The following DPP6 variants were observed in gnomAD, a reference collection of about 807,000 sequenced individuals.
The protein encoded by DPP6 is dipeptidyl peptidase like 6.
DPP6 carries 69 observed loss-of-function variants against 122.6 expected under a neutral mutation model. The ratio of observed to expected loss-of-function variants is 0.56; its 90% CI spans 0.46 to 0.69. The LOEUF (loss-of-function observed/expected upper bound fraction) is 0.69, where lower values mean the gene tolerates loss of function less well. Ranked by LOEUF, DPP6 falls within the 30% of genes least tolerant of loss-of-function variation. The probability of loss-of-function intolerance (pLI) is 0.00; values close to 1 mark genes in which losing one functional copy is unlikely to be tolerated. For synonymous variants in DPP6, 418 were observed against 433.1 expected, an observed-to-expected ratio of 0.97 and a Z score of 0.43; for missense variants, 928 against 1,116.9, an observed-to-expected ratio of 0.83 and a Z score of 2.41.
Position 154,110,130 on chromosome 7 carries a change from G to C in DPP6, c.243+57067G>C, listed in dbSNP as rs1412182398. ...TGGTGCTTCCTAACATTTGTCAACT[G>C]TGGCTTTCAGGCTACCAATGGGTGG... On this transcript the variant is annotated intron_variant, in intron 1 of 25. Coordinates refer to ENST00000377770, the MANE Select transcript of DPP6 (RefSeq NM_130797.4). Among the ~76,000 whole-genome samples the C allele has an allele frequency of 3.3e-5, 5 of 151,838 alleles. No individual in the cohort carries two copies. In the East Asian group the frequency reaches 9.7e-4, roughly 29 times the overall value.
intron 1 of DPP6, among the ~76,000 whole-genome samples, chr7:154,252,462 ATTG>A (rs1365883705): frequency 6.6e-6 from 1 of 152,214 alleles, no homozygotes; most frequent in Non-Finnish European, 1.5e-5. Flanking sequence ...CAGATCTATT[ATTG>A]TTTTAAATTC....
intron 4 of DPP6, among the ~76,000 whole-genome samples, chr7:154,561,708 C>G (rs1830437502): frequency 1.3e-5 from 2 of 152,038 alleles, no homozygotes; most frequent in Middle Eastern, 6.8e-3. Flanking sequence ...AAATCAACTA[C>G]ACAGAAAACA....
intron 7 of DPP6, among the ~76,000 whole-genome samples, chr7:154,705,466 C>T (rs1028763293): frequency 2.6e-5 from 4 of 152,192 alleles, no homozygotes; most frequent in Non-Finnish European, 2.9e-5. Flanking sequence ...AGACAAATCA[C>T]CCCTGGGACC....
At chr7:154,016,978 AATC>A (rs1261753118) in intron 1 of DPP6, among the ~76,000 whole-genome samples, 1 of 152,250 alleles carries the variant, frequency 6.6e-6, no homozygotes, top group Non-Finnish European at 1.5e-5. Context: ...GGAGAAAAGG[AATC>A]ATCAAGAGGT....
Position 154,821,271 on chromosome 7 carries a change from C to G in DPP6, c.1666+14159C>G, listed in dbSNP as rs777006907. Among the ~76,000 whole-genome samples the G allele has an allele frequency of 1.3e-5, 2 of 152,038 alleles. No homozygotes were observed. Among genetic ancestry groups the G allele is most frequent in the African/African-American group, 4.8e-5 (2 of 41,362 alleles). ...ACATTTTTAATCTTTTTCCTGATGT[C>G]TTTTCTTTTTTCTTTTTACATTGTT... On this transcript the variant is annotated intron_variant, in intron 16 of 25. Coordinates refer to ENST00000377770, the MANE Select transcript of DPP6 (RefSeq NM_130797.4). The surrounding 1 kb of genome is among the most constrained non-coding windows in gnomAD (Gnocchi z 4.2).
At chr7:154,066,054 T>C (rs1802702880) in intron 1 of DPP6, among the ~76,000 whole-genome samples, 1 of 144,288 alleles carries the variant, frequency 6.9e-6, no homozygotes, top group Admixed American at 7.2e-5. Context: ...TTTTTTTTTT[T>C]TTTTACTTTT....
chr7:154,253,481 A>G (rs1056910390), intron 1 of DPP6, among the ~76,000 whole-genome samples: 9 of 152,250 alleles, frequency 5.9e-5, no homozygotes, highest in African/African-American at 1.7e-4. Context: ...ATGGATTAGT[A>G]TTTTTAAAAG....
chr7:154,005,832 C>T (rs1797891479), intron 1 of DPP6, among the ~76,000 whole-genome samples: 1 of 152,060 alleles, frequency 6.6e-6, no homozygotes, highest in African/African-American at 2.4e-5. Flanking sequence ...CAAGCATGAG[C>T]TTCTAAGCTT....
chr7:153,815,772 A>T, the DPP6 span, among the ~76,000 whole-genome samples: 12 of 152,284 alleles, frequency 7.9e-5, no homozygotes, highest in East Asian at 2.1e-3. Flanking sequence ...TCATCTCTGT[A>T]TTGTGAGTTA....
At chr7:154,854,834 G>T (rs574761843) in intron 17 of DPP6, among the ~76,000 whole-genome samples, 3 of 152,186 alleles carry the variant, frequency 2.0e-5, no homozygotes, top group Non-Finnish European at 4.4e-5. Context: ...AAGAGAACTC[G>T]CCCTCGGTCC....
intron 13 of DPP6, among the ~76,000 whole-genome samples, chr7:154,802,961 T>A (rs887161322): frequency 6.6e-6 from 1 of 152,204 alleles, no homozygotes; most frequent in Admixed American, 6.5e-5. Context: ...GAAGCAGGTC[T>A]CCTGCACTGC....
rs6952710 is a variant in DPP6, at chr7:154,727,896, T to C, written c.883+9T>C. 5.0e-3 allele frequency: 7,830 copies of C among 1,574,684 alleles called. 217 individuals are homozygous for C. In the African/African-American group the frequency reaches 0.07, roughly 14 times the overall value. ...TGACTGGCTGTATGAAGGTAAGATG[T>C]GCACAGAGAGAAAAAAGGAAGATTT... is the stretch of plus-strand genomic sequence containing the variant. On this transcript the variant is annotated intron_variant, in intron 8 of 25. Transcript: ENST00000377770.
chr7:154,472,435 T>G (rs753046472), intron 2 of DPP6, among the ~76,000 whole-genome samples: 1 of 136,870 alleles, frequency 7.3e-6, no homozygotes, highest in Non-Finnish European at 1.6e-5. Flanking sequence ...AGCAGCCTCT[T>G]TCCTTCAGCA....
chr7:154,165,083 G>A (rs1797177472), intron 1 of DPP6, among the ~76,000 whole-genome samples: 1 of 150,304 alleles, frequency 6.7e-6, no homozygotes, highest in African/African-American at 2.5e-5. Flanking sequence ...GTATACATGT[G>A]CCATGCTGGT....
chr7:154,379,588 G>T (rs1813418806), intron 1 of DPP6, among the ~76,000 whole-genome samples: 1 of 152,122 alleles, frequency 6.6e-6, no homozygotes, highest in South Asian at 2.1e-4. Context: ...ACAGAAGAAT[G>T]CTCCCTAATA....
intron 5 of DPP6, among the ~76,000 whole-genome samples, chr7:154,581,101 G>A (rs1832036218): frequency 1.3e-5 from 2 of 152,112 alleles, no homozygotes; most frequent in African/African-American, 2.4e-5. Context: ...GGTTGGCCAG[G>A]GCAGGGGTTA....
intron 1 of DPP6, among the ~76,000 whole-genome samples, chr7:153,889,494 T>C (rs190610896): frequency 1.2e-4 from 18 of 152,316 alleles, no homozygotes; most frequent in Admixed American, 1.1e-3. Context: ...ATTGACTCAT[T>C]ACATCAATCT....
Position 154,892,471 on chromosome 7 carries a change from G to A in DPP6, c.2589G>A (p.Glu863=), listed in dbSNP as rs1228764444. ...LLTVTAKEDE[E]ED Reference sequence around the variant, plus strand: ...CAGTCACAGCGAAAGAGGACGAGGAGGAGGACTAAGCTCAGGTCGCTCTAA... The same window carrying A: ...CAGTCACAGCGAAAGAGGACGAGGAAGAGGACTAAGCTCAGGTCGCTCTAA... The change falls in exon 26 of 26, where the codon GAG becomes GAA. Residue 863 remains glutamate (E), a synonymous_variant. Transcript: ENST00000377770. 1 of 1,613,990 alleles carries A rather than the reference G, an allele frequency of 6.2e-7. No individual in the cohort carries two copies. The highest frequency in any genetic ancestry group is 8.5e-7 in the Non-Finnish European group (1 of 1,179,894).
At chr7:153,842,611 A>C in the DPP6 span, among the ~76,000 whole-genome samples, 5 of 152,158 alleles carry the variant, frequency 3.3e-5, no homozygotes, top group African/African-American at 9.6e-5. Flanking sequence ...TTTACATTTA[A>C]ATCTTCAAAC....
Sources: gnomAD v4.1 joint callset for allele counts (sites outside exome capture counted in the v4.1 genomes callset) on GRCh38, gnomAD v4.1.1 for gene constraint, Gnocchi (gnomAD v3.1) non-coding constraint, MANE v1.5 for transcripts, NCBI Gene and HGNC (gene_info 2026-07-23, HGNC 2026-07-21) for gene names.